The following BIRC6 variants were observed in gnomAD, a reference collection of about 807,000 sequenced individuals.
BIRC6 encodes the protein dual E2 ubiquitin-conjugating enzyme/E3 ubiquitin-protein ligase BIRC6.
BIRC6 carries 98 observed loss-of-function variants against 503.3 expected under a neutral mutation model. The observed-to-expected ratio is 0.19, with a 90% CI of 0.17 to 0.23. The LOEUF (loss-of-function observed/expected upper bound fraction) is 0.23, where lower values mean the gene tolerates loss of function less well. Ranked by LOEUF, BIRC6 falls within the 10% of genes least tolerant of loss-of-function variation. The pLI, the probability that BIRC6 is intolerant of heterozygous loss-of-function variation, is 1.00. For missense variants in BIRC6, 5,360 were observed against 5,806.0 expected (o/e 0.92, Z 2.50); for synonymous variants, 2,240 against 2,078.7 (o/e 1.08, Z -2.11).
intron 58 of BIRC6, among the ~76,000 whole-genome samples, 167 bp from the exon 59 acceptor site, chr2:32,525,297 C>T (rs2056164102): frequency 6.6e-6 from 1 of 152,016 alleles, no homozygotes; most frequent in South Asian, 2.1e-4. Context: ...TATTTGTTGT[C>T]ATGAAGGACG....
intron 52 of BIRC6, 141 bp downstream of exon 52, chr2:32,510,135 G>C: frequency 2.8e-6 from 3 of 1,061,718 alleles, no homozygotes; most frequent in Non-Finnish European, 4.0e-6. Context: ...TTCTCTGATG[G>C]AGTCTCACTC....
intron 15 of BIRC6, among the ~76,000 whole-genome samples, chr2:32,436,886 C>CT (rs35067044): frequency 3.3e-4 from 30 of 90,062 alleles, no homozygotes; most frequent in South Asian, 8.3e-4. Flanking sequence ...TTTGTTTTTT[C>CT]TTTTTTTTTT....
At chr2:32,405,716 T>C in intron 8 of BIRC6, among the ~76,000 whole-genome samples, 1 of 152,144 alleles carries the variant, frequency 6.6e-6, no homozygotes, top group Non-Finnish European at 1.5e-5. Flanking sequence ...AAAAATAAAA[T>C]TGCATGTACA....
At chr2:32,438,896 A>C (rs1344624898) in intron 15 of BIRC6, among the ~76,000 whole-genome samples, 1 of 152,086 alleles carries the variant, frequency 6.6e-6, no homozygotes, top group East Asian at 1.9e-4. Context: ...CACAGTTAAC[A>C]GTGGTTTAGT....
intron 59 of BIRC6, chr2:32,529,431 T>C (rs1438263992): frequency 7.4e-6 from 3 of 407,894 alleles, no homozygotes; most frequent in Non-Finnish European, 1.3e-5. Flanking sequence ...GTTTTGCCCA[T>C]GACTTTTTAA....
At chr2:32,506,678 C>T (rs2149538591) in intron 50 of BIRC6, among the ~76,000 whole-genome samples, 1 of 152,314 alleles carries the variant, frequency 6.6e-6, no homozygotes, top group Middle Eastern at 3.4e-3. Context: ...GTGTTCCCTA[C>T]TTAAGTGTAC....
At chr2:32,483,775 C>A (rs1021259422) in intron 39 of BIRC6, among the ~76,000 whole-genome samples, 4 of 152,158 alleles carry the variant, frequency 2.6e-5, no homozygotes, top group Admixed American at 1.3e-4. Flanking sequence ...TGAGTTAATG[C>A]ATCTTCGAAG....
At chr2:32,478,113 C>T (rs904313892) in intron 35 of BIRC6, among the ~76,000 whole-genome samples, 2 of 151,802 alleles carry the variant, frequency 1.3e-5, no homozygotes, top group African/African-American at 2.4e-5. Flanking sequence ...GGCGGAGGGG[C>T]GGATCACAAG....
intron 1 of BIRC6, among the ~76,000 whole-genome samples, chr2:32,361,448 T>C (rs536139930): frequency 1.3e-5 from 2 of 152,132 alleles, no homozygotes; most frequent in Non-Finnish European, 2.9e-5. Flanking sequence ...ATCTCTGTGC[T>C]CACACAGCCT....
chr2:32,591,732 G>A (rs1444856777), intron 66 of BIRC6, among the ~76,000 whole-genome samples: 2 of 152,128 alleles, frequency 1.3e-5, no homozygotes, highest in African/African-American at 4.8e-5. Context: ...TTTTATTATG[G>A]CTGTAATCAT....
rs574891070 is a variant in BIRC6 at position 32,471,449 on chromosome 2, A to G, written c.6592+325A>G. Among the ~76,000 whole-genome samples, 195 of 152,316 alleles carry G rather than the reference A, an allele frequency of 1.3e-3. No individual in the cohort carries two copies. In the Middle Eastern group the frequency reaches 0.027, roughly 21 times the overall value. On this transcript the variant is annotated intron_variant, in intron 32 of 73. Coordinates refer to ENST00000421745, the MANE Select transcript of BIRC6 (RefSeq NM_016252.4). ...GCATGTAAGTGAGTTATGAAAGGGA[A>G]ATCAGAGTTTTTATTTTTTCTTAGT...
In BIRC6 at chr2:32,543,553, G is replaced by A. The variant is rs762951982; in HGVS notation, c.12592+12G>A. The A allele has an allele frequency of 7.5e-6, 12 of 1,608,942 alleles. No individual in the cohort carries two copies. Among genetic ancestry groups the A allele is most frequent in the Non-Finnish European group, 1.0e-5 (12 of 1,178,640 alleles). On this transcript the variant is annotated intron_variant, in intron 62 of 73. Transcript: ENST00000421745. ...TGATGGAGAAGGAAGTAAGTGTTTA[G>A]TATTAAATTTATCAACACATATGTG...
intron 22 of BIRC6, among the ~76,000 whole-genome samples, chr2:32,450,827 T>TA (rs2046630709): frequency 6.6e-6 from 1 of 152,220 alleles, no homozygotes; most frequent in East Asian, 1.9e-4. Flanking sequence ...CTACATCACT[T>TA]ATAATACCTA....
chr2:32,525,723 T>A, intron 59 of BIRC6, 95 bp downstream of exon 59: 2 of 1,246,028 alleles, frequency 1.6e-6, no homozygotes, highest in South Asian at 3.0e-5. Flanking sequence ...TTTAATCAGG[T>A]GCCATTGATG....
At position 32,369,945 on chromosome 2, in the gene BIRC6, A is replaced by AAT. The variant is rs67839399; in HGVS notation, c.326-7604_326-7603dup. On this transcript the variant is annotated intron_variant, in intron 1 of 73. Transcript: ENST00000421745. Reference sequence around the variant, plus strand: ...GTCTCTTAAAAAAAAAAAAAAAAAAAATATATATATATATATATATATATA... The same window carrying AAT: ...GTCTCTTAAAAAAAAAAAAAAAAAAAATATATATATATATATATATATATATA... Among the ~76,000 whole-genome samples, 226 of 44,134 alleles carry AAT rather than the reference A, an allele frequency of 5.1e-3. 1 individual carries two copies. Among genetic ancestry groups the AAT allele is most frequent in the Non-Finnish European group, 6.1e-3 (166 of 27,354 alleles). The allele number at this position is 44,134 out of a possible 152,430, so 29.0% of individuals were successfully genotyped here. A position where few individuals can be genotyped will look rare whatever the true frequency, so the allele number is the denominator to read the frequency against.
intron 10 of BIRC6, among the ~76,000 whole-genome samples, chr2:32,416,794 CT>C (rs1299547112): frequency 9.6e-6 from 1 of 104,146 alleles, no homozygotes; most frequent in Non-Finnish European, 1.9e-5. Flanking sequence ...TTCCCCCTTT[CT>C]TTCCCCCCTC....
chr2:32,535,737 G>T (rs1459441479), intron 61 of BIRC6, among the ~76,000 whole-genome samples: 30 of 152,162 alleles, frequency 2.0e-4, no homozygotes, highest in Admixed American at 2.0e-3. Flanking sequence ...CCAAGTCTTT[G>T]CTATTGTGAA....
Position 32,414,986 on chromosome 2 carries a change from A to G in BIRC6, c.1695A>G (p.Pro565=), listed in dbSNP as rs1468697891. 3.7e-6 allele frequency: 6 copies of G among 1,613,926 alleles called. No individual in the cohort carries two copies. The highest frequency in any genetic ancestry group is 2.2e-5 in the East Asian group (1 of 44,868). Residue 565 remains proline, a synonymous_variant, in exon 10 of 74, where the codon CCA becomes CCG. Coordinates refer to ENST00000421745, the MANE Select transcript of BIRC6 (RefSeq NM_016252.4). ...KHQEQHNIPF[P]CLLAGGLLTY... ...AGGAGCAACACAACATTCCTTTTCCATGTTTATTAGCTGGAGGTTTATTAA... is the reference window on the plus strand; with the variant it reads ...AGGAGCAACACAACATTCCTTTTCCGTGTTTATTAGCTGGAGGTTTATTAA...
chr2:32,389,622 A>G (rs2149527716), intron 4 of BIRC6, among the ~76,000 whole-genome samples: 1 of 152,358 alleles, frequency 6.6e-6, no homozygotes, highest in East Asian at 1.9e-4. Context: ...AAAAGTACCA[A>G]GGTTTAGAAA....
Sources: allele counts gnomAD v4.1 joint callset (sites outside exome capture counted in the v4.1 genomes callset), GRCh38; gene constraint gnomAD v4.1.1; transcripts MANE v1.5; gene names NCBI Gene and HGNC (gene_info 2026-07-23, HGNC 2026-07-21).